The following LHFPL3 variants were observed in gnomAD, a reference collection of about 807,000 sequenced individuals.
LHFPL3 encodes LHFPL tetraspan subfamily member 3, also known as LHFPL tetraspan subfamily member 3 protein.
Under a neutral mutation model 19.3 loss-of-function variants are expected in LHFPL3, and 5 were observed. That is an observed-to-expected ratio of 0.26 (90% CI 0.14 to 0.54). LHFPL3 has a LOEUF of 0.54. Among genes scored for constraint, LHFPL3 ranks in the 20% least tolerant of loss-of-function variants. The pLI is 0.94. For synonymous variants in LHFPL3, 133 were observed against 126.2 expected, an observed-to-expected ratio of 1.05 and a Z score of -0.36; for missense variants, 249 against 307.4, an observed-to-expected ratio of 0.81 and a Z score of 1.42.
intron 1 of LHFPL3, among the ~76,000 whole-genome samples, chr7:104,703,101 T>C (rs1793131817): frequency 6.6e-6 from 1 of 152,226 alleles, no homozygotes; most frequent in Admixed American, 6.5e-5. Flanking sequence ...TCTTTTGTGG[T>C]GGTTGTTATC....
At chr7:104,881,999 A>G (rs1051191616) in intron 2 of LHFPL3, among the ~76,000 whole-genome samples, 6 of 152,232 alleles carry the variant, frequency 3.9e-5, no homozygotes, top group Admixed American at 6.5e-5. Flanking sequence ...ACAGGATGCT[A>G]TAAACATAGC....
intron 1 of LHFPL3, among the ~76,000 whole-genome samples, chr7:104,624,840 A>G (rs1301235048): frequency 6.6e-6 from 1 of 152,152 alleles, no homozygotes; most frequent in Non-Finnish European, 1.5e-5. Flanking sequence ...TTGGTTTGTT[A>G]TGTTTAAGAG....
At chr7:104,450,713 A>G (rs765867498) in intron 1 of LHFPL3, among the ~76,000 whole-genome samples, 2 of 152,180 alleles carry the variant, frequency 1.3e-5, no homozygotes, top group Non-Finnish European at 2.9e-5. Context: ...CCCAGAACTT[A>G]AAGTATAATA....
chr7:104,434,317 A>C (rs1366505127), intron 1 of LHFPL3, among the ~76,000 whole-genome samples: 3 of 152,266 alleles, frequency 2.0e-5, no homozygotes, highest in Non-Finnish European at 2.9e-5. Context: ...CCTGTGGGCT[A>C]TCTTTCCATG....
chr7:104,473,844 T>C (rs775561512), intron 1 of LHFPL3, among the ~76,000 whole-genome samples: 5 of 152,234 alleles, frequency 3.3e-5, no homozygotes, highest in Non-Finnish European at 7.3e-5. Flanking sequence ...AAATATCCCT[T>C]GATATTCCCT....
intron 2 of LHFPL3, among the ~76,000 whole-genome samples, chr7:104,757,338 A>G (rs1359008825): frequency 6.6e-6 from 1 of 152,198 alleles, no homozygotes; most frequent in African/African-American, 2.4e-5. Context: ...ATTGCAACAA[A>G]AAACAAAAAC....
At chr7:104,904,416 C>T (rs1289687023) in intron 2 of LHFPL3, among the ~76,000 whole-genome samples, 2 of 152,122 alleles carry the variant, frequency 1.3e-5, no homozygotes, top group South Asian at 2.1e-4. Flanking sequence ...TTTGGGAGGC[C>T]GAGGCAGGTG....
At chr7:104,524,412 C>T (rs1322543614) in intron 1 of LHFPL3, among the ~76,000 whole-genome samples, 1 of 152,150 alleles carries the variant, frequency 6.6e-6, no homozygotes, top group Non-Finnish European at 1.5e-5. Context: ...CACTTTGCTT[C>T]CTAATTTTAT....
chr7:104,456,326 A>G (rs1048037656), intron 1 of LHFPL3, among the ~76,000 whole-genome samples: 4 of 152,330 alleles, frequency 2.6e-5, no homozygotes, highest in Non-Finnish European at 4.4e-5. Context: ...AAATGCATAC[A>G]TGGAGGATTA....
intron 1 of LHFPL3, among the ~76,000 whole-genome samples, chr7:104,400,993 CTA>C (rs1044365005): frequency 1.3e-5 from 2 of 152,098 alleles, no homozygotes; most frequent in Non-Finnish European, 2.9e-5. Context: ...TAATGGAGTC[CTA>C]TAGAAGTAAC....
At chr7:104,418,128 G>T (rs1791661399) in intron 1 of LHFPL3, among the ~76,000 whole-genome samples, 1 of 151,898 alleles carries the variant, frequency 6.6e-6, no homozygotes, top group South Asian at 2.1e-4. Flanking sequence ...CACCTGCCTT[G>T]GCCTCCCAAA....
chr7:104,666,758 G>A (rs1278036974), intron 1 of LHFPL3, among the ~76,000 whole-genome samples: 2 of 151,588 alleles, frequency 1.3e-5, no homozygotes, highest in East Asian at 1.9e-4. Context: ...TCCTGACCTC[G>A]TGATCCGCCC....
chr7:104,552,230 A>G (rs1794674433), intron 1 of LHFPL3, among the ~76,000 whole-genome samples: 1 of 152,218 alleles, frequency 6.6e-6, no homozygotes. Context: ...CATGAGCCAC[A>G]TAACCAAGAT....
chr7:104,488,825 T>A (rs548578331), intron 1 of LHFPL3, among the ~76,000 whole-genome samples: 1 of 152,158 alleles, frequency 6.6e-6, no homozygotes, highest in African/African-American at 2.4e-5. Context: ...GCAAAGTCTG[T>A]TGGCACTAAG....
chr7:104,490,068 G>C (rs750801453), intron 1 of LHFPL3, among the ~76,000 whole-genome samples: 3 of 152,190 alleles, frequency 2.0e-5, no homozygotes, highest in Non-Finnish European at 4.4e-5. Context: ...CTCTGTGCCT[G>C]TCTCATCATT....
At chr7:104,615,211 C>T (rs1450631402) in intron 1 of LHFPL3, among the ~76,000 whole-genome samples, 3 of 152,178 alleles carry the variant, frequency 2.0e-5, no homozygotes, top group Non-Finnish European at 4.4e-5. Context: ...GTTTGGCATA[C>T]CTTCTTCAGA....
At chr7:104,729,394 T>C (rs1793648540) in intron 1 of LHFPL3, among the ~76,000 whole-genome samples, 1 of 152,186 alleles carries the variant, frequency 6.6e-6, no homozygotes, top group Non-Finnish European at 1.5e-5. Flanking sequence ...TTCTCTCTTC[T>C]AGCTATTTTG....
intron 1 of LHFPL3, among the ~76,000 whole-genome samples, chr7:104,438,849 C>T (rs567354839): frequency 1.3e-5 from 2 of 151,990 alleles, no homozygotes; most frequent in Non-Finnish European, 2.9e-5. Context: ...AAATCTCTAT[C>T]AAAACTGTGC....
intron 1 of LHFPL3, among the ~76,000 whole-genome samples, chr7:104,490,175 A>G (rs932118821): frequency 2.6e-5 from 4 of 152,180 alleles, no homozygotes; most frequent in African/African-American, 9.7e-5. Flanking sequence ...CTAATAGTCC[A>G]GAGTTTTTTC....
Sources: gnomAD v4.1 joint callset for allele counts (sites outside exome capture counted in the v4.1 genomes callset) on GRCh38, gnomAD v4.1.1 for gene constraint, MANE v1.5 for transcripts, NCBI Gene and HGNC (gene_info 2026-07-23, HGNC 2026-07-21) for gene names.